The following MICU3 variants were observed in gnomAD, a reference collection of about 807,000 sequenced individuals.
MICU3 encodes calcium uptake protein 3, mitochondrial.
Under a neutral mutation model 66.5 loss-of-function variants are expected in MICU3, and 62 were observed. That is an observed-to-expected ratio of 0.93 (90% CI 0.76 to 1.15). The LOEUF is 1.15. Among genes scored for constraint, MICU3 ranks in the 50% most tolerant of loss-of-function variants. MICU3 has a pLI of 0.00. For missense variants in MICU3, 779 were observed against 664.4 expected (o/e 1.17, Z -1.90); for synonymous variants, 308 against 240.7 (o/e 1.28, Z -2.59).
At chr8:17,069,614 A>G in intron 2 of MICU3, 74 bp from the exon 3 acceptor site, 2 of 922,728 alleles carry the variant, frequency 2.2e-6, no homozygotes, top group Non-Finnish European at 3.2e-6. Context: ...TTATGGTTGT[A>G]GATGGTTAGC....
At chr8:17,123,887 C>A (rs190875034), downstream of MICU3, among the ~76,000 whole-genome samples, 3 of 148,710 alleles carry the variant, frequency 2.0e-5, no homozygotes, top group African/African-American at 7.4e-5. Context: ...TTGCATAGAA[C>A]TATGTTTTAG....
In MICU3 at chr8:17,105,024, A is replaced by AAT. The variant is rs1801621071; in HGVS notation, c.1086-389_1086-388insAT. Among the ~76,000 whole-genome samples the AAT allele has an allele frequency of 1.3e-5, 2 of 151,208 alleles. 1 individual carries two copies. Among genetic ancestry groups the AAT allele is most frequent in the Non-Finnish European group, 3.0e-5 (2 of 67,700 alleles). On this transcript the variant is annotated intron_variant, in intron 10 of 14. Transcript: ENST00000318063. ...AAAAAAAAAAAAAAAAAAAAAAAAA[A>AAT]TTCCAGATATCTGGATTGATTGTTA...
At chr8:17,044,263 C>G (rs539209421) in intron 1 of MICU3, among the ~76,000 whole-genome samples, 1 of 152,244 alleles carries the variant, frequency 6.6e-6, no homozygotes, top group African/African-American at 2.4e-5. Context: ...GCAGAAGTTA[C>G]CCAGGTAGTA....
intron 1 of MICU3, among the ~76,000 whole-genome samples, chr8:17,036,291 T>C (rs2066126552): frequency 6.6e-6 from 1 of 152,102 alleles, no homozygotes. Flanking sequence ...ATCTTCGCTG[T>C]GAGTGTTACA....
At chr8:17,136,252 A>C in the MICU3 span, among the ~76,000 whole-genome samples, 122 of 152,232 alleles carry the variant, frequency 8.0e-4, 1 homozygote, top group African/African-American at 2.6e-3. Flanking sequence ...TAAAGGAAAT[A>C]AAGTAGGTAT....
At chr8:17,070,638 G>GA (rs763016855) in intron 3 of MICU3, among the ~76,000 whole-genome samples, 2,226 of 140,098 alleles carry the variant, frequency 0.016, 45 homozygotes, top group African/African-American at 0.055. Context: ...TTATAGATAT[G>GA]TTTTTTTTTT....
At chr8:17,064,583 T>C (rs1380169109) in intron 2 of MICU3, among the ~76,000 whole-genome samples, 1 of 152,198 alleles carries the variant, frequency 6.6e-6, no homozygotes, top group Non-Finnish European at 1.5e-5. Flanking sequence ...ATTCTACCTG[T>C]ATCTCTTCTG....
intron 1 of MICU3, among the ~76,000 whole-genome samples, chr8:17,030,812 T>C (rs1811893156): frequency 6.6e-6 from 1 of 152,210 alleles, no homozygotes. Flanking sequence ...GTATAGCAAA[T>C]ATTAATACCT....
intron 3 of MICU3, 122 bp downstream of exon 3, chr8:17,069,841 CA>C (rs941161806): frequency 2.8e-5 from 8 of 286,696 alleles, no homozygotes; most frequent in African/African-American, 1.8e-4. Flanking sequence ...GATTTTTTGG[CA>C]AATCAAATCA....
the MICU3 span, among the ~76,000 whole-genome samples, chr8:17,127,791 T>C: frequency 9.2e-5 from 14 of 152,330 alleles, no homozygotes; most frequent in South Asian, 4.1e-4. Context: ...TAATTTCTGC[T>C]CCACAATAGC....
intron 1 of MICU3, among the ~76,000 whole-genome samples, chr8:17,051,510 A>G (rs1338077016): frequency 2.6e-5 from 4 of 152,220 alleles, no homozygotes; most frequent in African/African-American, 9.6e-5. Context: ...GATTTAAAAG[A>G]GGAAAGGAGG....
At chr8:17,085,384 T>G (rs566761333) in intron 6 of MICU3, 66 bp downstream of exon 6, 1 of 1,137,298 alleles carries the variant, frequency 8.8e-7, no homozygotes, top group African/African-American at 1.6e-5. Context: ...TTTATGTTTT[T>G]GCCTTATTGG....
At chr8:17,131,617 T>A in the MICU3 span, 1 of 152,174 alleles carries the variant, frequency 6.6e-6, no homozygotes. Flanking sequence ...ATCTGGGAAA[T>A]CCCGGATAAT....
chr8:17,079,257 C>T (rs1049226326), intron 4 of MICU3, among the ~76,000 whole-genome samples: 3 of 152,082 alleles, frequency 2.0e-5, no homozygotes, highest in African/African-American at 7.2e-5. Context: ...GGCTGTTGAG[C>T]ACTTGAAATG....
At chr8:17,103,163 T>C (rs916861326) in intron 9 of MICU3, among the ~76,000 whole-genome samples, 3 of 151,742 alleles carry the variant, frequency 2.0e-5, no homozygotes, top group African/African-American at 4.8e-5. Context: ...ATTTTAATCA[T>C]TAAAAGAGAA....
intron 9 of MICU3, among the ~76,000 whole-genome samples, chr8:17,099,272 G>A (rs992079589): frequency 5.3e-5 from 8 of 151,520 alleles, no homozygotes; most frequent in African/African-American, 9.7e-5. Context: ...GGCAGCTAGC[G>A]GTCTTACCAG....
the MICU3 span, among the ~76,000 whole-genome samples, chr8:17,127,723 T>G: frequency 6.6e-6 from 1 of 152,204 alleles, no homozygotes; most frequent in Non-Finnish European, 1.5e-5. Flanking sequence ...TTTGACTGAT[T>G]AGCAAATTAA....
At position 17,119,548 on chromosome 8, in the gene MICU3, G is replaced by GATAGATAGATAGATAGATAGATAA. The variant is rs1554541238; in HGVS notation, c.*1-717_*1-716insAATAGATAGATAGATAGATAGATA. 2.7e-3 allele frequency among the ~76,000 whole-genome samples: 402 copies of GATAGATAGATAGATAGATAGATAA among 147,324 alleles called. 3 individuals carry two copies. Among genetic ancestry groups the GATAGATAGATAGATAGATAGATAA allele is most frequent in the African/African-American group, 9.8e-3 (390 of 39,884 alleles). On this transcript the variant is annotated intron_variant, in intron 14 of 14. Transcript: ENST00000318063. ...AGCTTGAAGCATAGATAGATAGATA[G>GATAGATAGATAGATAGATAGATAA]ATAGATAGATAGATAGATAGATAGA...
At chr8:17,047,614 C>T (rs183970590) in intron 1 of MICU3, among the ~76,000 whole-genome samples, 223 of 152,264 alleles carry the variant, frequency 1.5e-3, no homozygotes, top group African/African-American at 5.1e-3. Flanking sequence ...CTGCAGTTGA[C>T]CTGATTATAG....
Sources: gnomAD v4.1 joint callset for allele counts (sites outside exome capture counted in the v4.1 genomes callset) on GRCh38, gnomAD v4.1.1 for gene constraint, MANE v1.5 for transcripts, NCBI Gene and HGNC (gene_info 2026-07-23, HGNC 2026-07-21) for gene names.